Variants in KIF26B observed in about 807,000 individuals in gnomAD.
KIF26B encodes the protein kinesin-like protein KIF26B.
In KIF26B, 63 loss-of-function variants were observed where a neutral mutation model predicts 151.2. The ratio of observed to expected loss-of-function variants is 0.42; its 90% CI spans 0.34 to 0.51. KIF26B has a LOEUF of 0.51. Ranked by LOEUF, KIF26B falls within the 20% of genes least tolerant of loss-of-function variation. The probability of loss-of-function intolerance (pLI) is 0.07; values close to 1 mark genes in which losing one functional copy is unlikely to be tolerated. For missense variants in KIF26B, 2,813 were observed against 2,913.6 expected (o/e 0.97, Z 0.79); for synonymous variants, 1,357 against 1,262.1 (o/e 1.08, Z -1.59).
intron 2 of KIF26B, among the ~76,000 whole-genome samples, chr1:245,349,377 G>A (rs1215037507): frequency 6.6e-6 from 1 of 152,076 alleles, no homozygotes; most frequent in Non-Finnish European, 1.5e-5. Flanking sequence ...TTTACAGCAT[G>A]TTTTCCGTTG....
chr1:245,404,971 A>G (rs759821004), intron 3 of KIF26B, among the ~76,000 whole-genome samples: 6 of 152,232 alleles, frequency 3.9e-5, no homozygotes, highest in Admixed American at 2.0e-4. Context: ...ACATTACTAC[A>G]CTTCTTAAAG....
chr1:245,177,720 G>A lies in KIF26B; in HGVS notation c.465+21037G>A, dbSNP rs114156822. On this transcript the variant is annotated intron_variant, in intron 2 of 14. Transcript: ENST00000407071. ...TCTTTCCCCCTGGCCTTCTGGTGAC[G>A]GATAATGGTGATGGCAGTTTAGGCC... Among the ~76,000 whole-genome samples the A allele has an allele frequency of 7.2e-3, 1,099 of 151,748 alleles. 4 individuals are homozygous for A. Among genetic ancestry groups the A allele is most frequent in the African/African-American group, 0.025 (1,031 of 41,354 alleles).
Position 245,702,572 on chromosome 1 carries a change from T to G in KIF26B, c.6293T>G (p.Ile2098Ser), listed in dbSNP as rs1461419022. The change falls in exon 15 of 15, where the codon ATC becomes AGC. Residue 2098 changes from isoleucine (I) to serine (S), a missense_variant. By Grantham distance (142) the Ile-to-Ser change is moderately radical. This residue lies in a region of KIF26B where 2,060 missense variants were observed against 2,088.6 expected (regional missense o/e 0.99). Coordinates refer to ENST00000407071, the MANE Select transcript of KIF26B (RefSeq NM_018012.4). This position sits in a 1 kb window ranked among gnomAD's most constrained non-coding sequence, Gnocchi z 4.1. ...TTCTGCAAGGCCCATCTCATGATGATCACCTGCTTCGACATCACCTCCAGG... is the reference window on the plus strand; with the variant it reads ...TTCTGCAAGGCCCATCTCATGATGAGCACCTGCTTCGACATCACCTCCAGG... ...VNFCKAHLMMITCFDITSRRR is the reference protein window; with the variant it reads ...VNFCKAHLMMSTCFDITSRRR 6.2e-7 allele frequency: 1 copy of G among 1,613,834 alleles called. No individual in the cohort carries two copies. Among genetic ancestry groups the G allele is most frequent in the African/African-American group, 1.3e-5 (1 of 74,896 alleles).
At chr1:245,406,857 G>A (rs933237533) in intron 3 of KIF26B, among the ~76,000 whole-genome samples, 5 of 152,004 alleles carry the variant, frequency 3.3e-5, no homozygotes, top group East Asian at 3.9e-4. Flanking sequence ...GTGCGATCTC[G>A]GCTCACTGCA....
At chr1:245,649,684 C>A (rs890678994) in intron 10 of KIF26B, among the ~76,000 whole-genome samples, 1 of 150,404 alleles carries the variant, frequency 6.6e-6, no homozygotes, top group African/African-American at 2.5e-5. Flanking sequence ...CTTCCCCCAC[C>A]CCCCCCAAAA....
intron 2 of KIF26B, among the ~76,000 whole-genome samples, chr1:245,213,606 G>A (rs147406049): frequency 1.3e-5 from 2 of 152,236 alleles, no homozygotes; most frequent in Non-Finnish European, 2.9e-5. Flanking sequence ...TCCTTTCTGT[G>A]TTAGGAGCAG....
intron 4 of KIF26B, chr1:245,511,192 T>A: frequency 1.5e-6 from 1 of 684,972 alleles, no homozygotes; most frequent in Non-Finnish European, 2.7e-6. Context: ...ATTTTTTTTT[T>A]ACTTTAACTT....
intron 2 of KIF26B, among the ~76,000 whole-genome samples, chr1:245,196,737 T>A (rs1669202436): frequency 6.6e-6 from 1 of 152,184 alleles, no homozygotes; most frequent in South Asian, 2.1e-4. Flanking sequence ...CCTACCAAAA[T>A]CCCATCAAAA....
In KIF26B at chr1:245,685,998, C is replaced by A; in HGVS notation, c.3015C>A (p.His1005Gln). ...CAGCCTCCAAGATGCAGAGGAGTCA[C>A]TCACCTGTGCCCGCCGCGGCACCCG... ...ELPASKMQRSHSPVPAAAPAH... is the reference protein window; with the variant it reads ...ELPASKMQRSQSPVPAAAPAH... The change falls in exon 12 of 15, where the codon CAC (histidine) becomes CAA (glutamine). Residue 1005 changes from histidine to glutamine, a missense_variant. By Grantham distance (24) the His-to-Gln change is conservative. This residue lies in a region of KIF26B where 2,060 missense variants were observed against 2,088.6 expected (regional missense o/e 0.99). Transcript: ENST00000407071. 1 of 1,590,286 alleles carries A rather than the reference C, an allele frequency of 6.3e-7. No homozygotes were observed. The highest frequency in any genetic ancestry group is 8.6e-7 in the Non-Finnish European group (1 of 1,168,970).
chr1:245,673,425 A>G (rs1055297279), intron 10 of KIF26B, among the ~76,000 whole-genome samples: 1 of 149,442 alleles, frequency 6.7e-6, no homozygotes, highest in South Asian at 2.1e-4. Flanking sequence ...CTGCCATCTT[A>G]GGCCCAGTCC....
At chr1:245,341,577 G>A (rs1028316832) in intron 2 of KIF26B, among the ~76,000 whole-genome samples, 7 of 152,044 alleles carry the variant, frequency 4.6e-5, no homozygotes, top group African/African-American at 1.7e-4. Context: ...CCCCCTTGGC[G>A]TCCCAAAGTG....
At chr1:245,656,456 C>G (rs1191027570) in intron 10 of KIF26B, among the ~76,000 whole-genome samples, 1 of 152,240 alleles carries the variant, frequency 6.6e-6, no homozygotes, top group Non-Finnish European at 1.5e-5. Context: ...ATGCAAGACT[C>G]TGAATCCACA....
chr1:245,583,753 A>G (rs1306536657), intron 5 of KIF26B, among the ~76,000 whole-genome samples: 2 of 152,150 alleles, frequency 1.3e-5, no homozygotes. Flanking sequence ...TCAAAGCTGG[A>G]AAAAACAGCT....
intron 9 of KIF26B, among the ~76,000 whole-genome samples, chr1:245,644,155 CT>C (rs539030324): frequency 6.6e-6 from 1 of 151,728 alleles, no homozygotes; most frequent in African/African-American, 2.4e-5. Context: ...TCCTACAGCT[CT>C]TTTTTTTCTG....
rs1034455380 is a variant in KIF26B at position 245,382,976 on chromosome 1, A to G, written c.999+15609A>G. Among the ~76,000 whole-genome samples, 4 of 148,828 alleles carry G rather than the reference A, an allele frequency of 2.7e-5. No individual in the cohort carries two copies. In the East Asian group the frequency reaches 5.8e-4, roughly 22 times the overall value. On this transcript the variant is annotated intron_variant, in intron 3 of 14. Transcript: ENST00000407071. ...TATACTTACATGTATTTATATATAA[A>G]TTATTTTTAGTGAATATATATTTTA...
chr1:245,476,668 T>C (rs1370574516), intron 4 of KIF26B, among the ~76,000 whole-genome samples: 3 of 151,558 alleles, frequency 2.0e-5, no homozygotes, highest in African/African-American at 7.3e-5. Context: ...CCCGAGTAGT[T>C]GAGACCACAG....
intron 2 of KIF26B, among the ~76,000 whole-genome samples, chr1:245,168,306 A>G (rs1296162175): frequency 1.3e-5 from 2 of 152,194 alleles, no homozygotes; most frequent in Non-Finnish European, 2.9e-5. Flanking sequence ...AAGGGGAGGG[A>G]CCGGAAGCCA....
chr1:245,686,969 G>A lies in KIF26B; in HGVS notation c.3986G>A (p.Cys1329Tyr), dbSNP rs768878657. ...VSSLQNTAVV[C>Y]REKPKASPDN... ...AGCCTCCAGAACACCGCTGTGGTGT[G>A]CAGAGAGAAGCCCAAGGCCAGCCCC... Residue 1329 changes from cysteine to tyrosine, a missense_variant, in exon 12 of 15, where the codon TGC (cysteine) becomes TAC (tyrosine). Cys to Tyr is a radical substitution (Grantham distance 194). Transcript: ENST00000407071. This position sits in a 1 kb window ranked among gnomAD's most constrained non-coding sequence, Gnocchi z 5.6. 6.2e-7 allele frequency: 1 copy of A among 1,613,550 alleles called. No individual in the cohort carries two copies. Among genetic ancestry groups the A allele is most frequent in the Non-Finnish European group, 8.5e-7 (1 of 1,179,834 alleles).
At chr1:245,392,884 TGG>T in intron 3 of KIF26B, among the ~76,000 whole-genome samples, 1 of 152,134 alleles carries the variant, frequency 6.6e-6, no homozygotes, top group Non-Finnish European at 1.5e-5. Flanking sequence ...TTAAAAATTT[TGG>T]GGGGCTGGGT....
Sources: gnomAD v4.1 joint callset for allele counts (sites outside exome capture counted in the v4.1 genomes callset) on GRCh38, gnomAD v4.1.1 for gene constraint, gnomAD v4.1.1 regional missense constraint, Gnocchi (gnomAD v3.1) non-coding constraint, MANE v1.5 for transcripts, NCBI Gene and HGNC (gene_info 2026-07-23, HGNC 2026-07-21) for gene names.